Variants in SMYD3 observed in about 807,000 individuals in gnomAD.
SMYD3 encodes the protein histone-lysine N-methyltransferase SMYD3.
A neutral mutation model predicts 57.7 loss-of-function variants in SMYD3; 36 were observed. The ratio of observed to expected loss-of-function variants is 0.62; its 90% CI spans 0.48 to 0.82. The LOEUF is 0.82. Ranked by LOEUF, SMYD3 falls within the 40% of genes least tolerant of loss-of-function variation. The probability of loss-of-function intolerance (pLI) is 0.00; values close to 1 mark genes in which losing one functional copy is unlikely to be tolerated. For synonymous variants in SMYD3, 211 were observed against 195.0 expected, an observed-to-expected ratio of 1.08 and a Z score of -0.68; for missense variants, 515 against 538.8, an observed-to-expected ratio of 0.96 and a Z score of 0.44.
intron 5 of SMYD3, among the ~76,000 whole-genome samples, chr1:246,193,952 C>G (rs544841133): frequency 4.1e-4 from 63 of 152,300 alleles, no homozygotes; most frequent in African/African-American, 1.5e-3. Context: ...ATCATGTTCA[C>G]GCAAGCCAGT....
intron 1 of SMYD3, among the ~76,000 whole-genome samples, chr1:246,485,864 G>C (rs1315324717): frequency 2.0e-5 from 3 of 152,150 alleles, no homozygotes; most frequent in Non-Finnish European, 4.4e-5. Context: ...ATTTGAGCAA[G>C]ATATAACTTC....
intron 1 of SMYD3, among the ~76,000 whole-genome samples, chr1:246,502,369 C>T (rs1049932868): frequency 4.6e-5 from 7 of 151,982 alleles, no homozygotes; most frequent in Non-Finnish European, 7.4e-5. Flanking sequence ...TGGGCTCAAG[C>T]GATCCACCTG....
intron 8 of SMYD3, among the ~76,000 whole-genome samples, chr1:245,892,963 ATGTATAAAACATATG>A (rs1244317246): frequency 6.6e-6 from 1 of 152,226 alleles, no homozygotes; most frequent in Non-Finnish European, 1.5e-5. Flanking sequence ...GGAAAAAAAC[ATGTATAAAACATATG>A]TCCAACAAAA....
intron 1 of SMYD3, among the ~76,000 whole-genome samples, chr1:246,456,717 C>A (rs1395838788): frequency 6.6e-6 from 1 of 152,140 alleles, no homozygotes; most frequent in Non-Finnish European, 1.5e-5. Context: ...TGAGTGGGAC[C>A]AGAAGGTGAG....
chr1:245,912,066 A>G (rs2055032105), intron 8 of SMYD3, among the ~76,000 whole-genome samples: 1 of 152,148 alleles, frequency 6.6e-6, no homozygotes, highest in Admixed American at 6.6e-5. Context: ...AAGAAATCAC[A>G]TTGTCCTCCC....
At chr1:245,799,914 A>C (rs1558354066) in intron 10 of SMYD3, among the ~76,000 whole-genome samples, 1 of 152,178 alleles carries the variant, frequency 6.6e-6, no homozygotes, top group Non-Finnish European at 1.5e-5. Flanking sequence ...CCATCTGCCC[A>C]CCTCATGCTG....
intron 5 of SMYD3, among the ~76,000 whole-genome samples, chr1:246,136,291 A>AT (rs1230669178): frequency 2.0e-5 from 3 of 152,124 alleles, no homozygotes; most frequent in Non-Finnish European, 4.4e-5. Flanking sequence ...GTGGCTCTCC[A>AT]TTTTTTAGTT....
intron 5 of SMYD3, among the ~76,000 whole-genome samples, chr1:246,038,158 A>G (rs1239119288): frequency 6.6e-6 from 1 of 152,138 alleles, no homozygotes; most frequent in Non-Finnish European, 1.5e-5. Flanking sequence ...TTTTTCTCCC[A>G]GTTTAGTTTT....
chr1:246,272,315 T>G (rs543848782), intron 5 of SMYD3, among the ~76,000 whole-genome samples: 5 of 152,310 alleles, frequency 3.3e-5, no homozygotes, highest in Admixed American at 1.3e-4. Context: ...TTCAGTAGTA[T>G]GTTGAATAGA....
At chr1:246,454,862 T>G (rs1391702065) in intron 1 of SMYD3, among the ~76,000 whole-genome samples, 1 of 152,182 alleles carries the variant, frequency 6.6e-6, no homozygotes, top group African/African-American at 2.4e-5. Flanking sequence ...AAATCAAGTT[T>G]GTGACTGAAA....
intron 5 of SMYD3, among the ~76,000 whole-genome samples, chr1:246,060,340 G>A (rs553479024): frequency 1.3e-5 from 2 of 151,682 alleles, no homozygotes; most frequent in African/African-American, 2.4e-5. Flanking sequence ...TATCTGAGAA[G>A]ATCTCCATAT....
At position 246,214,687 on chromosome 1, in the gene SMYD3, A is replaced by G. The variant is rs367893567; in HGVS notation, c.531+112514T>C. 2.1e-3 allele frequency among the ~76,000 whole-genome samples: 316 copies of G among 152,262 alleles called. 1 individual carries two copies. Among genetic ancestry groups the G allele is most frequent in the South Asian group, 0.011 (54 of 4,830 alleles). On this transcript the variant is annotated intron_variant, in intron 5 of 11. Coordinates refer to ENST00000490107, the MANE Select transcript of SMYD3 (RefSeq NM_001167740.2). ...GGTTCTGCCCTATCCAGCATTTTCT[A>G]TAAGGACAAGAGAAAATATTTTTTC...
chr1:246,411,975 TA>T (rs59193144), intron 1 of SMYD3, among the ~76,000 whole-genome samples: 715 of 60,366 alleles, frequency 0.012, 7 homozygotes, highest in African/African-American at 0.024. Context: ...TAAAGTATAA[TA>T]AAAAAAAAAA....
At chr1:245,934,959 T>G (rs981070286) in intron 5 of SMYD3, among the ~76,000 whole-genome samples, 1 of 152,228 alleles carries the variant, frequency 6.6e-6, no homozygotes, top group African/African-American at 2.4e-5. Flanking sequence ...AGTTTTCCAT[T>G]GTTTCTTAGT....
chr1:246,331,357 C>A (rs973804479), intron 3 of SMYD3, among the ~76,000 whole-genome samples: 7 of 152,212 alleles, frequency 4.6e-5, no homozygotes, highest in African/African-American at 1.4e-4. Flanking sequence ...GTATGTGTAT[C>A]TTCCTTGAAG....
At chr1:246,448,701 TTTTAAAAAA>T (rs1354851309) in intron 1 of SMYD3, among the ~76,000 whole-genome samples, 1 of 82,012 alleles carries the variant, frequency 1.2e-5, no homozygotes, top group African/African-American at 5.9e-5. Flanking sequence ...CATCTCTTTT[TTTTAAAAAA>T]AAAAAAAAAA....
At chr1:246,212,554 T>C (rs11585648) in intron 5 of SMYD3, among the ~76,000 whole-genome samples, 1 of 151,740 alleles carries the variant, frequency 6.6e-6, no homozygotes, top group African/African-American at 2.4e-5. Context: ...CTAGGTTTTT[T>C]GTATTGACTG....
intron 5 of SMYD3, among the ~76,000 whole-genome samples, chr1:246,197,348 G>A (rs1412067267): frequency 2.0e-5 from 3 of 152,188 alleles, no homozygotes; most frequent in Middle Eastern, 3.4e-3. Flanking sequence ...GCTGACAAAC[G>A]CGACCTCAGC....
chr1:245,797,943 A>G (rs148182406), intron 10 of SMYD3, among the ~76,000 whole-genome samples: 2 of 152,082 alleles, frequency 1.3e-5, no homozygotes, highest in Admixed American at 6.5e-5. Context: ...GCTTTTCACA[A>G]TATGGGTTTG....
Sources: allele counts gnomAD v4.1 joint callset (sites outside exome capture counted in the v4.1 genomes callset), GRCh38; gene constraint gnomAD v4.1.1; transcripts MANE v1.5; gene names NCBI Gene and HGNC (gene_info 2026-07-23, HGNC 2026-07-21).